KAZN: variants seen among roughly 807,000 people sequenced by gnomAD.
KAZN encodes the protein kazrin, periplakin interacting protein.
KAZN carries 40 observed loss-of-function variants against 87.4 expected under a neutral mutation model. The observed-to-expected ratio is 0.46, with a 90% CI of 0.36 to 0.60. The LOEUF is 0.60. KAZN is among the 20% of genes least tolerant of loss of function. The pLI is 0.00. For missense variants in KAZN, 898 were observed against 1,073.9 expected, an observed-to-expected ratio of 0.84 and a Z score of 2.29; for synonymous variants, 466 against 458.3, an observed-to-expected ratio of 1.02 and a Z score of -0.22.
At chr1:14,506,862 C>T (rs1670611038) in intron 2 of KAZN, among the ~76,000 whole-genome samples, 1 of 152,148 alleles carries the variant, frequency 6.6e-6, no homozygotes, top group Non-Finnish European at 1.5e-5. Flanking sequence ...ACGGTGGCTA[C>T]CGATTGGACT....
intron 1 of KAZN, among the ~76,000 whole-genome samples, chr1:14,928,383 A>G (rs12138369): frequency 0.097 from 14,720 of 151,624 alleles, 935 homozygotes; most frequent in East Asian, 0.27. Flanking sequence ...TGGGAGGCGG[A>G]GCTTGCAGTG....
chr1:14,576,254 G>C (rs1675170528), intron 2 of KAZN, among the ~76,000 whole-genome samples: 1 of 152,188 alleles, frequency 6.6e-6, no homozygotes, highest in African/African-American at 2.4e-5. Context: ...GTTAGTGTCT[G>C]ACACAAAGTA....
At position 14,996,864 on chromosome 1, in the gene KAZN, C is replaced by G. The variant is rs1667923100; in HGVS notation, c.418+35989C>G. Among the ~76,000 whole-genome samples, 1 of 152,214 alleles carries G rather than the reference C, an allele frequency of 6.6e-6. No homozygotes were observed. The highest frequency in any genetic ancestry group is 1.5e-5 in the Non-Finnish European group (1 of 68,026). ...AGGGAGGGCCGTTTGCCTGCGGCCCCATGACCTCGCACCCACCTCCCTGCC... is the reference window on the plus strand; with the variant it reads ...AGGGAGGGCCGTTTGCCTGCGGCCCGATGACCTCGCACCCACCTCCCTGCC... On this transcript the variant is annotated intron_variant, in intron 2 of 14. Transcript: ENST00000376030. This position sits in a 1 kb window ranked among gnomAD's most constrained non-coding sequence, Gnocchi z 5.9.
chr1:14,519,049 G>A (rs1278200237), intron 2 of KAZN, among the ~76,000 whole-genome samples: 1 of 152,106 alleles, frequency 6.6e-6, no homozygotes, highest in Non-Finnish European at 1.5e-5. Context: ...ATAGGTGAGG[G>A]GTAGGAAGGG....
Position 14,304,979 on chromosome 1 carries a change from T to G in KAZN, c.249+124387T>G, listed in dbSNP as rs114514021. ...TTTTAATTTTAAATAAGAAGATAGA[T>G]CTATGGGCCTTTGAGAAAAGGATTC... On this transcript the variant is annotated intron_variant, in intron 2 of 16. Transcript: ENST00000636203. Among the ~76,000 whole-genome samples, 404 of 151,734 alleles carry G rather than the reference T, an allele frequency of 2.7e-3. 1 individual carries two copies. The highest frequency in any genetic ancestry group is 9.5e-3 in the African/African-American group (394 of 41,356).
intron 8 of KAZN, among the ~76,000 whole-genome samples, chr1:15,087,355 G>A (rs577806611): frequency 4.8e-5 from 7 of 146,464 alleles, no homozygotes; most frequent in East Asian, 2.0e-4. Context: ...TTTTTCTACC[G>A]TCTTCAAACT....
At chr1:15,003,232 A>T (rs1376115349) in intron 2 of KAZN, among the ~76,000 whole-genome samples, 1 of 152,146 alleles carries the variant, frequency 6.6e-6, no homozygotes, top group East Asian at 1.9e-4. Flanking sequence ...TCCAGGTGGG[A>T]TAATGCATGT....
chr1:14,194,205 AT>A, intron 2 of KAZN, among the ~76,000 whole-genome samples: 1 of 152,242 alleles, frequency 6.6e-6, no homozygotes, highest in Middle Eastern at 3.4e-3. Context: ...TAGAGGACGC[AT>A]GGGGGCAAAC....
At chr1:14,997,783 G>T (rs893974253) in intron 2 of KAZN, among the ~76,000 whole-genome samples, 1 of 152,138 alleles carries the variant, frequency 6.6e-6, no homozygotes, top group Non-Finnish European at 1.5e-5. Flanking sequence ...GGCACCTGGG[G>T]TCCACTGGGG....
intron 1 of KAZN, among the ~76,000 whole-genome samples, chr1:14,920,139 T>A (rs1474416265): frequency 6.6e-6 from 1 of 152,196 alleles, no homozygotes; most frequent in Non-Finnish European, 1.5e-5. Flanking sequence ...GGTCTCTTAA[T>A]ACCATGTTTC....
chr1:14,799,399 C>T (rs1349840267), intron 1 of KAZN, among the ~76,000 whole-genome samples: 2 of 152,182 alleles, frequency 1.3e-5, no homozygotes, highest in African/African-American at 2.4e-5. Context: ...TCCGCTTTCA[C>T]GTTAGCCAAT....
intron 2 of KAZN, among the ~76,000 whole-genome samples, chr1:14,411,541 C>T (rs116402816): frequency 3.4e-3 from 525 of 152,352 alleles, no homozygotes; most frequent in African/African-American, 0.012. Flanking sequence ...AATGATCTGC[C>T]TGCCTGCCTT....
chr1:14,979,036 C>G (rs1280119977), intron 2 of KAZN, among the ~76,000 whole-genome samples: 1 of 151,902 alleles, frequency 6.6e-6, no homozygotes, highest in Non-Finnish European at 1.5e-5. Flanking sequence ...TCCTGAGCAG[C>G]TGGGATTACA....
chr1:14,765,762 A>G (rs368868758), intron 1 of KAZN, among the ~76,000 whole-genome samples: 1 of 152,180 alleles, frequency 6.6e-6, no homozygotes, highest in African/African-American at 2.4e-5. Context: ...GGCTGCACTC[A>G]TAATTTTTGA....
At chr1:14,107,555 T>C (rs993603239) in intron 1 of KAZN, among the ~76,000 whole-genome samples, 1 of 152,148 alleles carries the variant, frequency 6.6e-6, no homozygotes, top group Non-Finnish European at 1.5e-5. Context: ...GAACACCATA[T>C]GGCGTGTGGC....
chr1:14,950,311 C>G (rs1488994769), intron 1 of KAZN, among the ~76,000 whole-genome samples: 4 of 152,038 alleles, frequency 2.6e-5, no homozygotes, highest in Admixed American at 2.6e-4. Flanking sequence ...GCCTGCAACC[C>G]TGGGGACTGA....
intron 2 of KAZN, among the ~76,000 whole-genome samples, chr1:14,370,100 C>T (rs1313298075): frequency 1.3e-5 from 2 of 152,126 alleles, no homozygotes; most frequent in East Asian, 1.9e-4. Context: ...AACAACCAAC[C>T]CAAATGCTGG....
In KAZN at chr1:14,901,827, C is replaced by T. The variant is rs114257139; in HGVS notation, c.227-58857C>T. On this transcript the variant is annotated intron_variant, in intron 1 of 14. Transcript: ENST00000376030. Reference sequence around the variant, plus strand: ...CCTCTCTCTGGGGCGGCCAGGGTTCCGCCTCTGTCTTTCTCCCAGAAGCCA... The same window carrying T: ...CCTCTCTCTGGGGCGGCCAGGGTTCTGCCTCTGTCTTTCTCCCAGAAGCCA... 4.5e-3 allele frequency among the ~76,000 whole-genome samples: 686 copies of T among 152,274 alleles called. 9 individuals are homozygous for T. Among genetic ancestry groups the T allele is most frequent in the African/African-American group, 0.015 (639 of 41,552 alleles).
intron 2 of KAZN, among the ~76,000 whole-genome samples, chr1:14,433,111 T>A (rs1666175699): frequency 1.3e-5 from 2 of 152,166 alleles, no homozygotes; most frequent in Admixed American, 6.5e-5. Flanking sequence ...CATGGAGGTA[T>A]CATGAAATAA....
Sources: allele counts gnomAD v4.1 joint callset (sites outside exome capture counted in the v4.1 genomes callset), GRCh38; gene constraint gnomAD v4.1.1; non-coding constraint Gnocchi (gnomAD v3.1); transcripts MANE v1.5; gene names NCBI Gene and HGNC (gene_info 2026-07-23, HGNC 2026-07-21).